LRRC9: variants seen among roughly 807,000 people sequenced by gnomAD.
LRRC9 encodes the protein leucine-rich repeat-containing protein 9.
LRRC9 carries 122 observed loss-of-function variants against 63.2 expected under a neutral mutation model. The observed-to-expected ratio is 1.93, with a 90% CI of 1.67 to 2.24. LRRC9 has a LOEUF of 2.24. LRRC9 is among the 30% of genes most tolerant of loss of function. The pLI is 0.00. For synonymous variants in LRRC9, 366 were observed against 213.1 expected (o/e 1.72, Z -6.25); for missense variants, 1,071 against 627.7 (o/e 1.71, Z -7.55).
At chr14:60,043,750 C>CCTTTT (rs1893156677) in intron 29 of LRRC9, among the ~76,000 whole-genome samples, 1 of 66,154 alleles carries the variant, frequency 1.5e-5, no homozygotes, top group African/African-American at 6.4e-5. Context: ...CTGTAGTTTT[C>CCTTTT]TTTTCCTTTT....
At chr14:59,994,054 T>A (rs1170219710) in intron 17 of LRRC9, among the ~76,000 whole-genome samples, 1 of 152,132 alleles carries the variant, frequency 6.6e-6, no homozygotes, top group African/African-American at 2.4e-5. Context: ...ATTGACCACA[T>A]AGTTGGAAGT....
At position 60,027,711 on chromosome 14, in the gene LRRC9, A is replaced by G. The variant is rs970460037; in HGVS notation, c.3704-173A>G. On this transcript the variant is annotated intron_variant, in intron 27 of 31. Transcript: ENST00000445360. The surrounding 1 kb of genome is among the most constrained non-coding windows in gnomAD (Gnocchi z 4.0). ...AAATTTTAGCAAATATTATTTTATG[A>G]TGATGCTACCTTCCTGTAAATTACA... is the stretch of plus-strand genomic sequence containing the variant. Among the ~76,000 whole-genome samples, 1 of 152,106 alleles carries G rather than the reference A, an allele frequency of 6.6e-6. No individual in the cohort carries two copies. Among genetic ancestry groups the G allele is most frequent in the African/African-American group, 2.4e-5 (1 of 41,446 alleles).
chr14:60,049,628 T>C (rs1893728743), intron 29 of LRRC9, among the ~76,000 whole-genome samples: 1 of 152,212 alleles, frequency 6.6e-6, no homozygotes. Flanking sequence ...ATGCTGTTAG[T>C]CTGATGGGCT....
intron 1 of LRRC9, chr14:59,920,230 C>T (rs1180616064): frequency 6.6e-6 from 1 of 152,446 alleles, no homozygotes; most frequent in Non-Finnish European, 1.5e-5. Context: ...TGGACTCGGA[C>T]TTGAATCGGA....
At chr14:60,062,276 T>C (rs758036590) in intron 31 of LRRC9, 97 bp downstream of exon 32, 1 of 395,392 alleles carries the variant, frequency 2.5e-6, no homozygotes, top group Non-Finnish European at 4.5e-6. Flanking sequence ...TATTGTTATG[T>C]ACTATTATAT....
chr14:59,935,061 G>C (rs1050767567), intron 6 of LRRC9, among the ~76,000 whole-genome samples: 1 of 151,310 alleles, frequency 6.6e-6, no homozygotes, highest in African/African-American at 2.4e-5. Context: ...CGAGGCGGGC[G>C]GATCACTTGA....
chr14:60,057,673 C>T, intron 30 of LRRC9: 1 of 235,494 alleles, frequency 4.2e-6, no homozygotes, highest in Non-Finnish European at 7.7e-6. Flanking sequence ...AAAAAAAGAA[C>T]ACAAGGTTCT....
At chr14:59,937,082 T>C (rs1469161057) in intron 6 of LRRC9, among the ~76,000 whole-genome samples, 3 of 151,834 alleles carry the variant, frequency 2.0e-5, no homozygotes, top group Non-Finnish European at 4.4e-5. Context: ...TTACTTTACA[T>C]ATTTATTTAG....
chr14:59,946,841 A>C (rs1206030538), intron 8 of LRRC9, among the ~76,000 whole-genome samples: 3 of 137,548 alleles, frequency 2.2e-5, no homozygotes, highest in African/African-American at 5.5e-5. Context: ...TGAACTCATC[A>C]TTTTTTATGG....
In LRRC9 at chr14:59,927,996, G is replaced by A; in HGVS notation, c.48+5G>A. Reference sequence around the variant, plus strand: ...GAAGAAATAATTAAAGAACTGGTGAGTCAAAGTCAAATTTCTTTTAAATAA... The same window carrying A: ...GAAGAAATAATTAAAGAACTGGTGAATCAAAGTCAAATTTCTTTTAAATAA... On this transcript the variant is annotated splice_donor_5th_base_variant and intron_variant, in intron 2 of 31. Coordinates refer to ENST00000445360, the Ensembl canonical transcript of LRRC9. The surrounding 1 kb of genome is among the most constrained non-coding windows in gnomAD (Gnocchi z 4.4). 1 of 678,226 alleles carries A rather than the reference G, an allele frequency of 1.5e-6. No individual in the cohort carries two copies. The highest frequency in any genetic ancestry group is 2.7e-6 in the Non-Finnish European group (1 of 375,980). 42.0% of individuals were successfully genotyped at this position (678,226 alleles called of 1,614,324 possible).
At chr14:59,924,638 A>G (rs1002520912) in intron 1 of LRRC9, among the ~76,000 whole-genome samples, 7 of 152,170 alleles carry the variant, frequency 4.6e-5, no homozygotes, top group African/African-American at 1.4e-4. Flanking sequence ...TTTTAAATAC[A>G]GCAACCAGAG....
intron 11 of LRRC9, 67 bp from the exon 12 acceptor site, chr14:59,967,029 A>T (rs1397400409): frequency 1.8e-6 from 1 of 561,342 alleles, no homozygotes; most frequent in Non-Finnish European, 3.3e-6. Flanking sequence ...ACATATGGTT[A>T]TCTTATCTAT....
chr14:60,039,462 G>A (rs531094555), intron 29 of LRRC9, among the ~76,000 whole-genome samples: 3 of 152,122 alleles, frequency 2.0e-5, no homozygotes, highest in African/African-American at 7.2e-5. Context: ...GTCTATTCAG[G>A]GATTCAACTT....
chr14:60,063,413 T>C, exon 32 of LRRC9: 1 of 692,054 alleles, frequency 1.4e-6, no homozygotes, highest in Non-Finnish European at 2.6e-6. Context: ...GTTTAGTAGT[T>C]GTACAAAAAC....
In LRRC9 at chr14:60,028,112, TA is replaced by T. The variant is rs780107540; in HGVS notation, c.3921+12del. ...TATAATAAAATCCAGGTAACATTAT[TA>T]TTTTTTTATTATGGGATTTACAAGC... On this transcript the variant is annotated intron_variant, in intron 28 of 31. Transcript: ENST00000445360. The T allele has an allele frequency of 2.2e-5, 15 of 680,856 alleles. No homozygotes were observed. Among genetic ancestry groups the T allele is most frequent in the African/African-American group, 5.4e-5 (3 of 55,726 alleles). 42.2% of individuals were successfully genotyped at this position (680,856 alleles called of 1,614,324 possible).
intron 1 of LRRC9, among the ~76,000 whole-genome samples, chr14:59,921,651 T>G (rs1365966990): frequency 6.6e-6 from 1 of 151,974 alleles, no homozygotes; most frequent in African/African-American, 2.4e-5. Context: ...GAGTTCAATT[T>G]TGAACACACT....
intron 8 of LRRC9, among the ~76,000 whole-genome samples, chr14:59,954,672 C>T (rs1883538899): frequency 1.3e-5 from 2 of 152,084 alleles, no homozygotes; most frequent in Admixed American, 1.3e-4. Flanking sequence ...GCCTGATTTC[C>T]CTGAATAGAA....
chr14:59,934,097 A>C (rs1889930105), intron 6 of LRRC9, among the ~76,000 whole-genome samples: 1 of 152,116 alleles, frequency 6.6e-6, no homozygotes, highest in African/African-American at 2.4e-5. Flanking sequence ...GGAATAATCT[A>C]AATGAGAAAT....
intron 1 of LRRC9, among the ~76,000 whole-genome samples, chr14:59,921,502 G>T (rs1888772625): frequency 6.6e-6 from 1 of 152,098 alleles, no homozygotes; most frequent in Non-Finnish European, 1.5e-5. Flanking sequence ...TATGCAGAAG[G>T]ATTTAATGAG....
Sources: gnomAD v4.1 joint callset for allele counts (sites outside exome capture counted in the v4.1 genomes callset) on GRCh38, gnomAD v4.1.1 for gene constraint, Gnocchi (gnomAD v3.1) non-coding constraint, MANE v1.5 for transcripts, NCBI Gene and HGNC (gene_info 2026-07-23, HGNC 2026-07-21) for gene names.